SNTG2: variants seen among roughly 807,000 people sequenced by gnomAD.
SNTG2 encodes the protein syntrophin gamma 2.
In SNTG2, 74 loss-of-function variants were observed where a neutral mutation model predicts 70.9. The ratio of observed to expected loss-of-function variants is 1.04; its 90% CI spans 0.86 to 1.27. The LOEUF is 1.27. Ranked by LOEUF, SNTG2 falls within the 50% of genes most tolerant of loss-of-function variation. The probability of loss-of-function intolerance (pLI) is 0.00; values close to 1 mark genes in which losing one functional copy is unlikely to be tolerated. For missense variants in SNTG2, 717 were observed against 690.7 expected (o/e 1.04, Z -0.43); for synonymous variants, 278 against 273.8 (o/e 1.02, Z -0.15).
intron 1 of SNTG2, among the ~76,000 whole-genome samples, chr2:1,009,019 T>C (rs1267214168): frequency 6.6e-6 from 1 of 150,854 alleles, no homozygotes; most frequent in Non-Finnish European, 1.5e-5. Context: ...TAGAAAGAAA[T>C]GCACCTTTTT....
intron 1 of SNTG2, among the ~76,000 whole-genome samples, chr2:993,212 C>T (rs1302566781): frequency 6.8e-6 from 1 of 147,750 alleles, no homozygotes; most frequent in East Asian, 2.0e-4. Context: ...TCTCCCAATG[C>T]TATCCCTCCC....
At chr2:958,489 A>G (rs1401909311) in intron 1 of SNTG2, among the ~76,000 whole-genome samples, 3 of 152,108 alleles carry the variant, frequency 2.0e-5, no homozygotes, top group Admixed American at 1.3e-4. Flanking sequence ...TGGATTTTTC[A>G]TAAAAAGACT....
intron 16 of SNTG2, among the ~76,000 whole-genome samples, chr2:1,328,260 C>T (rs34709240): frequency 0.12 from 18,525 of 152,142 alleles, 1,276 homozygotes; most frequent in Admixed American, 0.2. Flanking sequence ...CAAACCATGT[C>T]AGGTACCATG....
intron 12 of SNTG2, among the ~76,000 whole-genome samples, chr2:1,251,525 A>C (rs1272030959): frequency 7.2e-6 from 1 of 139,596 alleles, no homozygotes; most frequent in Admixed American, 7.2e-5. Flanking sequence ...ACACATGCAC[A>C]TACCACACAC....
At chr2:1,302,540 TAAAA>T (rs34803391) in intron 14 of SNTG2, among the ~76,000 whole-genome samples, 1 of 68,200 alleles carries the variant, frequency 1.5e-5, no homozygotes, top group Non-Finnish European at 3.5e-5. Flanking sequence ...ATTGGAATGC[TAAAA>T]AAAAAAAAAA....
chr2:1,009,856 C>T (rs1228620891), intron 1 of SNTG2, among the ~76,000 whole-genome samples: 1 of 152,164 alleles, frequency 6.6e-6, no homozygotes, highest in Non-Finnish European at 1.5e-5. Flanking sequence ...CCCTATGTTC[C>T]TATTGCCCCC....
chr2:1,202,446 G>C (rs1433345279), intron 8 of SNTG2, among the ~76,000 whole-genome samples: 1 of 149,636 alleles, frequency 6.7e-6, no homozygotes, highest in Non-Finnish European at 1.5e-5. Flanking sequence ...CAGTCAATGA[G>C]GAGATAAAAG....
intron 14 of SNTG2, among the ~76,000 whole-genome samples, chr2:1,304,291 G>T (rs781047790): frequency 6.6e-6 from 1 of 152,088 alleles, no homozygotes; most frequent in Non-Finnish European, 1.5e-5. Flanking sequence ...TTGCTTTACT[G>T]CCCACTATTG....
At chr2:1,266,058 G>A (rs1256288139) in intron 13 of SNTG2, among the ~76,000 whole-genome samples, 1 of 152,154 alleles carries the variant, frequency 6.6e-6, no homozygotes, top group Non-Finnish European at 1.5e-5. Context: ...GAGACAGACA[G>A]AGACAGAGAG....
At chr2:1,028,493 T>C (rs1191925296) in intron 1 of SNTG2, among the ~76,000 whole-genome samples, 1 of 152,252 alleles carries the variant, frequency 6.6e-6, no homozygotes, top group African/African-American at 2.4e-5. Flanking sequence ...CTGAGAAGCT[T>C]CCTTCCTCGG....
At chr2:1,315,201 C>A (rs1367708724) in intron 15 of SNTG2, among the ~76,000 whole-genome samples, 1 of 152,170 alleles carries the variant, frequency 6.6e-6, no homozygotes, top group African/African-American at 2.4e-5. Flanking sequence ...CTAAATTTCC[C>A]AAAACCTAGA....
chr2:1,286,064 A>C (rs1572922400), intron 14 of SNTG2, among the ~76,000 whole-genome samples: 3 of 152,366 alleles, frequency 2.0e-5, no homozygotes, highest in Admixed American at 2.0e-4. Flanking sequence ...AGTTAGGAGA[A>C]GCCCAAAGTG....
chr2:1,131,449 A>C (rs547295768), intron 4 of SNTG2, among the ~76,000 whole-genome samples: 6 of 152,174 alleles, frequency 3.9e-5, no homozygotes, highest in African/African-American at 1.4e-4. Context: ...CCATCCTGTC[A>C]GATTATGTAT....
intron 9 of SNTG2, among the ~76,000 whole-genome samples, chr2:1,233,413 A>G (rs1388242800): frequency 6.6e-6 from 1 of 152,222 alleles, no homozygotes; most frequent in Non-Finnish European, 1.5e-5. Context: ...GAAGATTCCC[A>G]GCGGTGTGGG....
intron 2 of SNTG2, among the ~76,000 whole-genome samples, chr2:1,091,480 C>T (rs1350558956): frequency 6.6e-6 from 1 of 152,192 alleles, no homozygotes; most frequent in Non-Finnish European, 1.5e-5. Context: ...GACTCTGATG[C>T]CAGGACGCAA....
chr2:1,047,832 T>A (rs375412712), intron 1 of SNTG2, among the ~76,000 whole-genome samples: 85 of 152,308 alleles, frequency 5.6e-4, no homozygotes, highest in Non-Finnish European at 8.4e-4. Context: ...ACACTTTTTT[T>A]AAATCTTATG....
chr2:1,010,240 A>G (rs1016019684), intron 1 of SNTG2, among the ~76,000 whole-genome samples: 1 of 152,184 alleles, frequency 6.6e-6, no homozygotes, highest in Non-Finnish European at 1.5e-5. Context: ...CTCAGGCTGC[A>G]AAAATGAAGG....
At chr2:1,194,696 C>A (rs1325935282) in intron 8 of SNTG2, among the ~76,000 whole-genome samples, 2 of 152,068 alleles carry the variant, frequency 1.3e-5, no homozygotes, top group Non-Finnish European at 2.9e-5. Flanking sequence ...GAACATGTGA[C>A]CCAGAGGCTT....
At chr2:1,366,618 T>C (rs1661500693) in intron 16 of SNTG2, among the ~76,000 whole-genome samples, 1 of 152,198 alleles carries the variant, frequency 6.6e-6, no homozygotes, top group Non-Finnish European at 1.5e-5. Context: ...CCTTTCCTGC[T>C]CTCCCGTAGC....
Sources: allele counts gnomAD v4.1 joint callset (sites outside exome capture counted in the v4.1 genomes callset), GRCh38; gene constraint gnomAD v4.1.1; transcripts MANE v1.5; gene names NCBI Gene and HGNC (gene_info 2026-07-23, HGNC 2026-07-21).